PLEKHM3: variants seen among roughly 807,000 people sequenced by gnomAD.
PLEKHM3 encodes the protein pleckstrin homology domain containing M3.
In PLEKHM3, 45 loss-of-function variants were observed where a neutral mutation model predicts 81.8. That is an observed-to-expected ratio of 0.55 (90% CI 0.43 to 0.71). The LOEUF (loss-of-function observed/expected upper bound fraction) is 0.71, where lower values mean the gene tolerates loss of function less well. Ranked by LOEUF, PLEKHM3 falls within the 30% of genes least tolerant of loss-of-function variation. The pLI is 0.00. For missense variants in PLEKHM3, 788 were observed against 924.3 expected (o/e 0.85, Z 1.91); for synonymous variants, 352 against 356.4 (o/e 0.99, Z 0.14).
intron 2 of PLEKHM3, among the ~76,000 whole-genome samples, chr2:207,990,520 C>G (rs1691865614): frequency 6.6e-6 from 1 of 152,160 alleles, no homozygotes; most frequent in Non-Finnish European, 1.5e-5. Flanking sequence ...TAGTACTCGA[C>G]TATGTTCAAG....
intron 7 of PLEKHM3, among the ~76,000 whole-genome samples, chr2:207,858,182 T>TATATATA (rs61059149): frequency 1.4e-4 from 18 of 125,664 alleles, no homozygotes; most frequent in African/African-American, 5.7e-4. Context: ...GTGTATATAT[T>TATATATA]TTTTTTTTTG....
intron 4 of PLEKHM3, among the ~76,000 whole-genome samples, chr2:207,940,211 A>T (rs181687212): frequency 6.6e-6 from 1 of 152,220 alleles, no homozygotes; most frequent in African/African-American, 2.4e-5. Context: ...TAGCTGTTAT[A>T]TAGATGTTAT....
At chr2:207,973,521 C>A (rs531669274) in intron 3 of PLEKHM3, among the ~76,000 whole-genome samples, 69 of 152,194 alleles carry the variant, frequency 4.5e-4, no homozygotes, top group African/African-American at 1.5e-3. Context: ...AGCGGATCAC[C>A]TGAGGTCGGG....
In PLEKHM3 at chr2:207,941,385, T is replaced by C. The variant is rs139876001; in HGVS notation, c.1692+4982A>G. ...AGGACCTACACTGGGGAAAGGACAG[T>C]CTCTTCAGTAAATGGTGCTGGGAAA... On this transcript the variant is annotated intron_variant, in intron 4 of 7. Transcript: ENST00000427836. Among the ~76,000 whole-genome samples, 415 of 152,228 alleles carry C rather than the reference T, an allele frequency of 2.7e-3. 6 individuals are homozygous for C. The highest frequency in any genetic ancestry group is 9.5e-3 in the African/African-American group (394 of 41,552).
intron 1 of PLEKHM3, among the ~76,000 whole-genome samples, chr2:208,006,256 T>C (rs1692490706): frequency 6.6e-6 from 1 of 152,242 alleles, no homozygotes; most frequent in South Asian, 2.1e-4. Context: ...TATAATTGAG[T>C]ACTTCTTACT....
Position 208,025,424 on chromosome 2 carries a change from G to A in PLEKHM3, c.-354C>T, listed in dbSNP as rs937806763. The A allele has an allele frequency of 6.6e-6, 1 of 152,266 alleles. No homozygotes were observed. Among genetic ancestry groups the A allele is most frequent in the South Asian group, 2.1e-4 (1 of 4,826 alleles). 9.4% of individuals were successfully genotyped at this position (152,266 alleles called of 1,614,324 possible). On this transcript the variant is annotated 5_prime_UTR_variant, in exon 1 of 8. Transcript: ENST00000427836. ...GCTGCTACTCTCCATTCACCTGCGG[G>A]GCCTTCAGTCCGCTCCTGGAGGGGC... is the stretch of plus-strand genomic sequence containing the variant.
chr2:207,879,864 TA>T (rs199742445), intron 6 of PLEKHM3, among the ~76,000 whole-genome samples: 2 of 151,236 alleles, frequency 1.3e-5, no homozygotes, highest in East Asian at 1.9e-4. Flanking sequence ...TTATGCAGGG[TA>T]AAAAAAAATA....
At chr2:207,858,410 T>C (rs566366598) in intron 7 of PLEKHM3, among the ~76,000 whole-genome samples, 4 of 152,064 alleles carry the variant, frequency 2.6e-5, no homozygotes, top group Non-Finnish European at 5.9e-5. Flanking sequence ...GTCTCAAAAT[T>C]AATTGAGACT....
intron 6 of PLEKHM3, among the ~76,000 whole-genome samples, chr2:207,901,844 G>A (rs986407437): frequency 2.0e-5 from 3 of 152,222 alleles, no homozygotes; most frequent in Non-Finnish European, 4.4e-5. Context: ...ATTTAGTGAT[G>A]TTTTAATGGA....
intron 1 of PLEKHM3, among the ~76,000 whole-genome samples, chr2:208,012,939 T>C (rs1692751007): frequency 6.6e-6 from 1 of 152,238 alleles, no homozygotes; most frequent in Non-Finnish European, 1.5e-5. Flanking sequence ...CCAAACACTA[T>C]GTGAGATATT....
intron 6 of PLEKHM3, chr2:207,900,828 T>A (rs1688397644): frequency 6.4e-6 from 1 of 157,480 alleles, no homozygotes; most frequent in Non-Finnish European, 1.4e-5. Flanking sequence ...TGGCATAGGT[T>A]TCTACCACTG....
At chr2:207,986,806 G>A (rs561137974) in intron 2 of PLEKHM3, among the ~76,000 whole-genome samples, 134 of 151,426 alleles carry the variant, frequency 8.8e-4, no homozygotes, top group Admixed American at 7.7e-3. Context: ...GAGTAGCTGG[G>A]ACTACAGGCG....
chr2:207,901,759 C>T (rs1165373016), intron 6 of PLEKHM3, among the ~76,000 whole-genome samples: 1 of 152,204 alleles, frequency 6.6e-6, no homozygotes, highest in Non-Finnish European at 1.5e-5. Flanking sequence ...ATAATTTGTT[C>T]CCCAAATAAC....
rs1161564436 is a variant in PLEKHM3, at chr2:207,826,034, G to A, written c.*2285C>T. The stretch of plus-strand genomic sequence containing the variant: ...GAAATTCTGTATGCAGGGCAAACAT[G>A]TTACAAGGGGAGGAGATGGCACTGC... On this transcript the variant is annotated 3_prime_UTR_variant, in exon 8 of 8. Transcript: ENST00000427836. 3 of 152,192 alleles carry A rather than the reference G, an allele frequency of 2.0e-5. No individual in the cohort carries two copies. Among genetic ancestry groups the A allele is most frequent in the Admixed American group, 6.5e-5 (1 of 15,270 alleles). The allele number at this position is 152,192 out of a possible 1,614,324, so 9.4% of individuals were successfully genotyped here. A position where few individuals can be genotyped will look rare whatever the true frequency, so the allele number is the denominator to read the frequency against.
intron 2 of PLEKHM3, among the ~76,000 whole-genome samples, chr2:207,988,667 G>T (rs1691801837): frequency 1.3e-5 from 2 of 151,888 alleles, no homozygotes; most frequent in Admixed American, 6.6e-5. Flanking sequence ...ATATCCCAAG[G>T]TTTACTGTGT....
At chr2:207,982,578 CTTTT>C (rs34116964) in intron 2 of PLEKHM3, among the ~76,000 whole-genome samples, 4 of 129,154 alleles carry the variant, frequency 3.1e-5, no homozygotes, top group Non-Finnish European at 3.3e-5. Context: ...CATTGATTTT[CTTTT>C]TTTTTTTTTT....
At chr2:207,927,734 G>T (rs941912951) in intron 5 of PLEKHM3, among the ~76,000 whole-genome samples, 7 of 151,986 alleles carry the variant, frequency 4.6e-5, no homozygotes, top group Non-Finnish European at 1.0e-4. Flanking sequence ...GGAGGCTGAG[G>T]CAGGAGAATT....
chr2:207,903,084 T>C (rs1415923962), intron 6 of PLEKHM3, among the ~76,000 whole-genome samples: 1 of 152,092 alleles, frequency 6.6e-6, no homozygotes, highest in East Asian at 1.9e-4. Context: ...TACTCCAAAT[T>C]CCAGACTTTC....
chr2:207,836,463 C>T (rs759975684), intron 7 of PLEKHM3, among the ~76,000 whole-genome samples: 1 of 152,084 alleles, frequency 6.6e-6, no homozygotes, highest in Admixed American at 6.5e-5. Context: ...AAGAGATAGG[C>T]CAGACACGAT....
Sources: gnomAD v4.1 joint callset for allele counts (sites outside exome capture counted in the v4.1 genomes callset) on GRCh38, gnomAD v4.1.1 for gene constraint, MANE v1.5 for transcripts, NCBI Gene and HGNC (gene_info 2026-07-23, HGNC 2026-07-21) for gene names.